The following SHLD2 variants were observed in gnomAD, a reference collection of about 807,000 sequenced individuals.
The protein encoded by SHLD2 is RINN1-REV7-interacting novel NHEJ regulator 2.
Under a neutral mutation model 73.2 loss-of-function variants are expected in SHLD2, and 30 were observed. The ratio of observed to expected loss-of-function variants is 0.41; its 90% CI spans 0.31 to 0.56. SHLD2 has a LOEUF of 0.56. Ranked by LOEUF, SHLD2 falls within the 20% of genes least tolerant of loss-of-function variation. The probability of loss-of-function intolerance (pLI) is 0.28; values close to 1 mark genes in which losing one functional copy is unlikely to be tolerated. For synonymous variants in SHLD2, 285 were observed against 370.1 expected (o/e 0.77, Z 2.64); for missense variants, 745 against 1,055.9 (o/e 0.71, Z 4.08).
rs371086670 is a variant in SHLD2 at position 87,179,470 on chromosome 10, C to T, written c.2171-605C>T. On this transcript the variant is annotated intron_variant, in intron 7 of 9. Coordinates refer to ENST00000298786, the MANE Select transcript of SHLD2 (RefSeq NM_001330112.2). ...AGGCCGGAGTGCAGTGGTGCGATCT[C>T]GGCTCACTATAAGCTCTGCCTCCCG... 4.1e-3 allele frequency among the ~76,000 whole-genome samples: 616 copies of T among 151,046 alleles called. 3 individuals carry two copies. The highest frequency in any genetic ancestry group is 0.013 in the African/African-American group (550 of 41,022).
rs547926157 is a variant in SHLD2, at chr10:87,180,845, C to T, written c.2399+542C>T. ...ATTTTTCTCTTTACCTCATAAATTA[C>T]ATGTGTTTACAAAATAGCACTCAGT... On this transcript the variant is annotated intron_variant, in intron 8 of 9. Coordinates refer to ENST00000298786, the MANE Select transcript of SHLD2 (RefSeq NM_001330112.2). 3.9e-5 allele frequency among the ~76,000 whole-genome samples: 6 copies of T among 152,248 alleles called. No individual in the cohort carries two copies. In the South Asian group the frequency reaches 1.2e-3, roughly 32 times the overall value.
intron 1 of SHLD2, among the ~76,000 whole-genome samples, chr10:87,095,850 G>A (rs1290932055): frequency 6.6e-6 from 1 of 152,100 alleles, no homozygotes; most frequent in Non-Finnish European, 1.5e-5. Flanking sequence ...AGGATGGCTT[G>A]AGCCCAGGAG....
At chr10:87,175,116 CAAA>C (rs55718551) in intron 6 of SHLD2, among the ~76,000 whole-genome samples, 34 of 84,706 alleles carry the variant, frequency 4.0e-4, no homozygotes, top group African/African-American at 1.1e-3. Flanking sequence ...GACTCCATCT[CAAA>C]AAAAAAAAAA....
At chr10:87,142,757 C>CTT (rs1268636900) in intron 2 of SHLD2, among the ~76,000 whole-genome samples, 15 of 142,174 alleles carry the variant, frequency 1.1e-4, no homozygotes, top group African/African-American at 4.0e-4. Context: ...TAGCAAAGTT[C>CTT]TTTCTTTTTT....
chr10:87,128,946 A>T (rs1224851084), intron 2 of SHLD2, among the ~76,000 whole-genome samples: 1 of 152,212 alleles, frequency 6.6e-6, no homozygotes, highest in African/African-American at 2.4e-5. Flanking sequence ...ACTCTCGCCC[A>T]GGCTGGAGTG....
At chr10:87,102,290 G>T (rs1480892253) in intron 2 of SHLD2, among the ~76,000 whole-genome samples, 2 of 152,142 alleles carry the variant, frequency 1.3e-5, no homozygotes, top group Admixed American at 1.3e-4. Flanking sequence ...GGCTTAGAAA[G>T]AATTTAATAA....
Position 87,136,936 on chromosome 10 carries a change from C to T in SHLD2, c.-5-14414C>T, listed in dbSNP as rs1844840924. On this transcript the variant is annotated intron_variant, in intron 2 of 9. Coordinates refer to ENST00000298786, the MANE Select transcript of SHLD2 (RefSeq NM_001330112.2). Reference sequence around the variant, plus strand: ...TGTCAAATTACAGCTGCATCATAGCCCACACCCAGCTCAGTTACATATTGG... The same window carrying T: ...TGTCAAATTACAGCTGCATCATAGCTCACACCCAGCTCAGTTACATATTGG... 2.0e-5 allele frequency among the ~76,000 whole-genome samples: 3 copies of T among 152,238 alleles called. No individual in the cohort carries two copies. In the South Asian group the frequency reaches 6.2e-4, roughly 32 times the overall value.
chr10:87,173,259 C>T (rs1847727671), intron 6 of SHLD2, among the ~76,000 whole-genome samples: 2 of 151,902 alleles, frequency 1.3e-5, no homozygotes, highest in Non-Finnish European at 2.9e-5. Context: ...AACTCCTGAT[C>T]TCAGGTGATT....
intron 8 of SHLD2, among the ~76,000 whole-genome samples, chr10:87,183,186 T>C (rs1475943510): frequency 6.6e-6 from 1 of 152,142 alleles, no homozygotes; most frequent in East Asian, 1.9e-4. Flanking sequence ...ATGTAGTGAT[T>C]GGTAGGTAAA....
intron 6 of SHLD2, among the ~76,000 whole-genome samples, chr10:87,174,862 T>A (rs1236280830): frequency 1.3e-5 from 2 of 152,200 alleles, no homozygotes; most frequent in African/African-American, 4.8e-5. Flanking sequence ...CCGCCTGTAA[T>A]CCCAGCACTT....
chr10:87,127,500 C>A (rs1844089207), intron 2 of SHLD2, among the ~76,000 whole-genome samples: 1 of 119,572 alleles, frequency 8.4e-6, no homozygotes, highest in Non-Finnish European at 1.7e-5. Flanking sequence ...GGATATGGAT[C>A]ATCAGAATGT....
At chr10:87,123,312 T>C (rs1177391189) in intron 2 of SHLD2, among the ~76,000 whole-genome samples, 1 of 151,994 alleles carries the variant, frequency 6.6e-6, no homozygotes, top group Admixed American at 6.6e-5. Flanking sequence ...CTTTTTTCTT[T>C]TTTTTCTAAG....
intron 4 of SHLD2, among the ~76,000 whole-genome samples, chr10:87,164,321 C>T (rs1351080692): frequency 9.4e-5 from 14 of 149,198 alleles, no homozygotes; most frequent in Non-Finnish European, 1.9e-4. Context: ...GGTGTGATCT[C>T]GGCTTACTCC....
At chr10:87,134,152 TG>T (rs905558805) in intron 2 of SHLD2, among the ~76,000 whole-genome samples, 6 of 152,308 alleles carry the variant, frequency 3.9e-5, no homozygotes, top group Admixed American at 3.9e-4. Flanking sequence ...ATTTGAGGTC[TG>T]GGGAAAGAAT....
intron 2 of SHLD2, among the ~76,000 whole-genome samples, chr10:87,111,376 C>T (rs1842908687): frequency 6.6e-6 from 1 of 151,946 alleles, no homozygotes; most frequent in Non-Finnish European, 1.5e-5. Context: ...GCACAGTGCT[C>T]ACTCCTGTAA....
chr10:87,161,493 CAG>C (rs1281846576), intron 4 of SHLD2, among the ~76,000 whole-genome samples: 1 of 151,916 alleles, frequency 6.6e-6, no homozygotes, highest in Non-Finnish European at 1.5e-5. Context: ...AAATAATAAA[CAG>C]AGGGCATAAT....
chr10:87,094,546 T>A, upstream of SHLD2: 1 of 1,612,382 alleles, frequency 6.2e-7, no homozygotes, highest in Non-Finnish European at 8.5e-7. This position sits in a 1 kb window ranked among gnomAD's most constrained non-coding sequence, Gnocchi z 6.6. Flanking sequence ...GGCGCCGCGA[T>A]CGAAGAAGCC....
At chr10:87,104,871 G>GGC (rs1842504481) in intron 2 of SHLD2, among the ~76,000 whole-genome samples, 1 of 152,010 alleles carries the variant, frequency 6.6e-6, no homozygotes, top group Non-Finnish European at 1.5e-5. Context: ...ATGTTGGCCA[G>GGC]GCTGCTCTTG....
rs767210103 is a variant in SHLD2, at chr10:87,138,254, C to A, written c.-5-13096C>A. On this transcript the variant is annotated intron_variant, in intron 2 of 9. Coordinates refer to ENST00000298786, the MANE Select transcript of SHLD2 (RefSeq NM_001330112.2). ...TGGAGGTTGCAGTGAGCTGAGATCA[C>A]ACGCCACTGCACTCCAGCCTGTCGA... 9.9e-5 allele frequency among the ~76,000 whole-genome samples: 15 copies of A among 151,994 alleles called. No individual in the cohort carries two copies. In the East Asian group the frequency reaches 2.7e-3, roughly 27 times the overall value.
Sources: allele counts gnomAD v4.1 joint callset (sites outside exome capture counted in the v4.1 genomes callset), GRCh38; gene constraint gnomAD v4.1.1; non-coding constraint Gnocchi (gnomAD v3.1); transcripts MANE v1.5; gene names NCBI Gene and HGNC (gene_info 2026-07-23, HGNC 2026-07-21).